The following COL4A2 variants were observed in gnomAD, a reference collection of about 807,000 sequenced individuals.
COL4A2 encodes the protein collagen alpha-2(IV) chain.
Under a neutral mutation model 200.2 loss-of-function variants are expected in COL4A2, and 99 were observed. The ratio of observed to expected loss-of-function variants is 0.49; its 90% confidence interval spans 0.42 to 0.58. The LOEUF is 0.58. Ranked by LOEUF, COL4A2 falls within the 20% of genes least tolerant of loss-of-function variation. The pLI is 0.00. For missense variants in COL4A2, 1,950 were observed against 2,314.1 expected (o/e 0.84, Z 3.23); for synonymous variants, 897 against 900.6 (o/e 1.00, Z 0.07).
At chr13:110,498,427 C>T (rs975166505) in intron 40 of COL4A2, among the ~76,000 whole-genome samples, 2 of 152,030 alleles carry the variant, frequency 1.3e-5, no homozygotes, top group East Asian at 1.9e-4. Flanking sequence ...CAGGGAGGGG[C>T]GGAGGAAACT....
At chr13:110,411,812 A>G (rs7140030) in intron 4 of COL4A2, among the ~76,000 whole-genome samples, 113,735 of 151,628 alleles carry the variant, frequency 0.75, 42,955 homozygotes, top group East Asian at 0.93. Flanking sequence ...ACAATGCCCT[A>G]TGGAACTCTT....
chr13:110,499,749 T>C (rs1053912554), intron 40 of COL4A2, among the ~76,000 whole-genome samples: 1 of 152,202 alleles, frequency 6.6e-6, no homozygotes, highest in African/African-American at 2.4e-5. Context: ...CCGTCTAGAT[T>C]CCAGCAAACT....
At chr13:110,455,861 C>T (rs1881712259) in intron 20 of COL4A2, among the ~76,000 whole-genome samples, 1 of 152,244 alleles carries the variant, frequency 6.6e-6, no homozygotes, top group African/African-American at 2.4e-5. Flanking sequence ...GTAACGGCCT[C>T]ATCCCCTGCT....
chr13:110,488,021 T>C (rs1034661983), intron 34 of COL4A2, among the ~76,000 whole-genome samples: 1 of 152,024 alleles, frequency 6.6e-6, no homozygotes, highest in South Asian at 2.1e-4. Flanking sequence ...AAAGGAGCTT[T>C]TGTTTTGTTT....
intron 3 of COL4A2, among the ~76,000 whole-genome samples, chr13:110,340,640 G>A (rs1876406281): frequency 6.6e-6 from 1 of 152,138 alleles, no homozygotes; most frequent in South Asian, 2.1e-4. Flanking sequence ...CAGTCTTTTG[G>A]GGCAGCTGCG....
chr13:110,480,106 C>A, intron 30 of COL4A2, 114 bp from the exon 31 acceptor site: 2 of 1,196,194 alleles, frequency 1.7e-6, no homozygotes, highest in Non-Finnish European at 2.3e-6. Flanking sequence ...GGTGGTTTTC[C>A]ACTTTCCTTC....
intron 4 of COL4A2, among the ~76,000 whole-genome samples, chr13:110,408,813 A>G (rs1408384778): frequency 1.2e-5 from 1 of 83,544 alleles, no homozygotes; most frequent in Non-Finnish European, 2.7e-5. Flanking sequence ...ACATATATAT[A>G]CACACACACA....
At chr13:110,468,329 A>G (rs538568561) in intron 27 of COL4A2, 3 of 462,620 alleles carry the variant, frequency 6.5e-6, no homozygotes, top group South Asian at 4.7e-5. Context: ...GTCTAATTCC[A>G]TCCATGGATT....
chr13:110,501,594 T>C, intron 40 of COL4A2, 74 bp from the exon 41 acceptor site: 8 of 1,234,602 alleles, frequency 6.5e-6, no homozygotes, highest in Non-Finnish European at 9.5e-6. Context: ...CAGGTGATGG[T>C]GTGGAGGGAA....
At chr13:110,403,923 G>T (rs1392691037) in intron 4 of COL4A2, among the ~76,000 whole-genome samples, 2 of 152,190 alleles carry the variant, frequency 1.3e-5, no homozygotes, top group Non-Finnish European at 2.9e-5. Context: ...AGCAGATGTG[G>T]TGTCTGGTAA....
At chr13:110,396,506 C>G (rs1268596019) in intron 4 of COL4A2, among the ~76,000 whole-genome samples, 1 of 152,162 alleles carries the variant, frequency 6.6e-6, no homozygotes, top group African/African-American at 2.4e-5. Flanking sequence ...TTGTTTTATG[C>G]TCAAGAAAGC....
At chr13:110,422,831 T>C (rs2139451582) in intron 4 of COL4A2, among the ~76,000 whole-genome samples, 1 of 152,254 alleles carries the variant, frequency 6.6e-6, no homozygotes, top group South Asian at 2.1e-4. Context: ...GGAGGTGAGA[T>C]CTTCCCACAC....
intron 4 of COL4A2, among the ~76,000 whole-genome samples, chr13:110,413,226 GA>G (rs1311028243): frequency 2.0e-5 from 3 of 152,224 alleles, no homozygotes; most frequent in African/African-American, 7.2e-5. Flanking sequence ...GAGCCAGGCA[GA>G]GGGGGTAAAT....
intron 17 of COL4A2, 60 bp downstream of exon 17, chr13:110,445,942 A>G (rs537733095): frequency 1.9e-6 from 3 of 1,587,416 alleles, no homozygotes; most frequent in Non-Finnish European, 2.6e-6. Flanking sequence ...GGCTGGCCTT[A>G]CTCCCCTCTT....
intron 4 of COL4A2, among the ~76,000 whole-genome samples, chr13:110,396,319 C>G (rs1011245977): frequency 1.3e-5 from 2 of 152,176 alleles, no homozygotes; most frequent in African/African-American, 4.8e-5. Context: ...AACAACCAGC[C>G]ATGCTTGTAA....
chr13:110,503,929 G>C lies in COL4A2; in HGVS notation c.4221G>C (p.Gln1407His). The change falls in exon 44 of 48, where the codon CAG becomes CAC. Residue 1407 changes from glutamine to histidine, a missense_variant. Physicochemically the swap from Gln to His is conservative, Grantham distance 24 (BLOSUM62 0). Around this residue, in one of 2 missense-constraint regions of COL4A2, gnomAD observed 1,385 missense variants for 1,720.5 expected, o/e 0.80. Transcript: ENST00000360467. ...TCCAACCAGGGACAGTGGGTCCCCA[G>C]GGGAGGCGAGGCCCCCCTGGGGCAC... ...IAVQPGTVGP[Q>H]GRRGPPGAPG... The C allele has an allele frequency of 6.3e-7, 1 of 1,596,322 alleles. No individual in the cohort carries two copies. Among genetic ancestry groups the C allele is most frequent in the South Asian group, 1.1e-5 (1 of 89,800 alleles).
chr13:110,465,997 C>G lies in COL4A2; in HGVS notation c.1979-6C>G. On this transcript the variant is annotated splice_polypyrimidine_tract_variant and splice_region_variant and intron_variant, in intron 25 of 47. Coordinates refer to ENST00000360467, the MANE Select transcript of COL4A2 (RefSeq NM_001846.4). ...GCCTCACTCTGTCCTTATGTCTTCC[C>G]CCCAGATTGTGACACAGATGTGAAA... 6.2e-7 allele frequency: 1 copy of G among 1,613,590 alleles called. No individual in the cohort carries two copies. The highest frequency in any genetic ancestry group is 1.1e-5 in the South Asian group (1 of 91,012).
intron 4 of COL4A2, among the ~76,000 whole-genome samples, chr13:110,362,427 C>T (rs1350809487): frequency 1.3e-5 from 2 of 152,182 alleles, no homozygotes; most frequent in African/African-American, 2.4e-5. Context: ...AGTTCTCCTG[C>T]CTTAGGCCCT....
rs1391387115 is a variant in COL4A2 at position 110,449,766 on chromosome 13, CT to C, written c.1167del (p.Gly390AlafsTer63). On this transcript the variant is annotated frameshift_variant, in exon 19 of 48. Transcript: ENST00000360467. LOFTEE classifies it high-confidence loss of function. ...EPGDPGLPGP[P>X]GLSIGDGDQR... ...GGAGACCCGGGCCTCCCAGGTCCCCCTGGCCTCTCCATCGGAGATGGAGGTA... is the reference window on the plus strand; with the variant it reads ...GGAGACCCGGGCCTCCCAGGTCCCCCGGCCTCTCCATCGGAGATGGAGGTA... 2.6e-6 allele frequency: 4 copies of C among 1,548,696 alleles called. No homozygotes were observed. The highest frequency in any genetic ancestry group is 1.2e-5 in the South Asian group (1 of 83,870).
Sources: allele counts gnomAD v4.1 joint callset (sites outside exome capture counted in the v4.1 genomes callset), GRCh38; gene constraint gnomAD v4.1.1; regional missense constraint gnomAD v4.1.1; transcripts MANE v1.5; gene names NCBI Gene and HGNC (gene_info 2026-07-23, HGNC 2026-07-21).